Variants in CSMD3 observed in about 807,000 individuals in gnomAD.
The protein encoded by CSMD3 is CUB and Sushi multiple domains 3.
In CSMD3, 177 loss-of-function variants were observed where a neutral mutation model predicts 435.2. That is an observed-to-expected ratio of 0.41 (90% CI 0.36 to 0.46). The LOEUF (loss-of-function observed/expected upper bound fraction) is 0.46, where lower values mean the gene tolerates loss of function less well. Ranked by LOEUF, CSMD3 falls within the 20% of genes least tolerant of loss-of-function variation. The probability of loss-of-function intolerance (pLI) is 0.34; values close to 1 mark genes in which losing one functional copy is unlikely to be tolerated. For synonymous variants in CSMD3, 1,656 were observed against 1,520.5 expected, an observed-to-expected ratio of 1.09 and a Z score of -2.07; for missense variants, 4,265 against 4,504.6, an observed-to-expected ratio of 0.95 and a Z score of 1.52.
intron 22 of CSMD3, among the ~76,000 whole-genome samples, chr8:112,606,339 A>G (rs1832791354): frequency 6.6e-6 from 1 of 152,138 alleles, no homozygotes; most frequent in African/African-American, 2.4e-5. Flanking sequence ...TGCTTCACCT[A>G]GAATCCTGAA....
chr8:112,248,028 CA>C (rs1341167743), intron 63 of CSMD3, among the ~76,000 whole-genome samples: 1 of 151,996 alleles, frequency 6.6e-6, no homozygotes, highest in Non-Finnish European at 1.5e-5. Flanking sequence ...AAGTGGGAAG[CA>C]GGGGTATATA....
chr8:113,337,917 T>G (rs1218027948), intron 1 of CSMD3, among the ~76,000 whole-genome samples: 1 of 152,014 alleles, frequency 6.6e-6, no homozygotes, highest in Non-Finnish European at 1.5e-5. Flanking sequence ...CATTCCATAA[T>G]ATGTATTTGA....
intron 4 of CSMD3, among the ~76,000 whole-genome samples, chr8:113,159,950 A>G (rs1564377780): frequency 6.6e-6 from 1 of 151,924 alleles, no homozygotes; most frequent in Admixed American, 6.6e-5. Flanking sequence ...CAGAATATAT[A>G]TATATATATT....
chr8:112,771,732 G>A (rs2132199371), intron 13 of CSMD3, among the ~76,000 whole-genome samples: 1 of 152,050 alleles, frequency 6.6e-6, no homozygotes, highest in African/African-American at 2.4e-5. Context: ...ACAACAATGT[G>A]TCTTATCCAT....
At chr8:112,357,832 A>G (rs1483264682) in intron 38 of CSMD3, among the ~76,000 whole-genome samples, 1 of 152,184 alleles carries the variant, frequency 6.6e-6, no homozygotes, top group Admixed American at 6.5e-5. Flanking sequence ...TCTCATGGAG[A>G]ACATCTGATA....
chr8:112,815,936 T>G (rs988392421), intron 12 of CSMD3, among the ~76,000 whole-genome samples: 1 of 152,154 alleles, frequency 6.6e-6, no homozygotes, highest in African/African-American at 2.4e-5. Flanking sequence ...TATTTATTAT[T>G]GCCCTATAGC....
intron 10 of CSMD3, among the ~76,000 whole-genome samples, chr8:112,911,701 TTATG>T (rs1421532545): frequency 4.1e-5 from 6 of 147,354 alleles, no homozygotes; most frequent in South Asian, 4.4e-4. Context: ...TAGTTAATTG[TTATG>T]TATGTATTAT....
chr8:112,573,669 A>G lies in CSMD3; in HGVS notation c.3886-12T>C, dbSNP rs1829712626. Reference sequence around the variant, plus strand: ...TTTCCATCATAAATCTGCAAAATATATTTATAATTAAAATGTAAATGTGCC... The same window carrying G: ...TTTCCATCATAAATCTGCAAAATATGTTTATAATTAAAATGTAAATGTGCC... On this transcript the variant is annotated splice_polypyrimidine_tract_variant and intron_variant, in intron 23 of 70. Transcript: ENST00000297405. 2 of 1,561,520 alleles carry G rather than the reference A, an allele frequency of 1.3e-6. No homozygotes were observed. The highest frequency in any genetic ancestry group is 1.8e-6 in the Non-Finnish European group (2 of 1,133,360).
intron 63 of CSMD3, among the ~76,000 whole-genome samples, chr8:112,252,595 T>C (rs986205027): frequency 1.3e-5 from 2 of 151,260 alleles, no homozygotes; most frequent in Non-Finnish European, 3.0e-5. Flanking sequence ...AATTCATCAA[T>C]AAATTAGTAT....
intron 8 of CSMD3, among the ~76,000 whole-genome samples, chr8:112,953,244 G>A (rs905670841): frequency 6.6e-6 from 1 of 151,444 alleles, no homozygotes; most frequent in Non-Finnish European, 1.5e-5. Context: ...TAACATTTAA[G>A]TTTTATTTCA....
chr8:113,006,674 T>C (rs1184648670), intron 6 of CSMD3, among the ~76,000 whole-genome samples: 1 of 151,922 alleles, frequency 6.6e-6, no homozygotes, highest in African/African-American at 2.4e-5. Flanking sequence ...CAATAATGTG[T>C]AACCTGTTTT....
intron 9 of CSMD3, among the ~76,000 whole-genome samples, chr8:112,938,316 C>T (rs139188263): frequency 1.3e-5 from 2 of 152,282 alleles, no homozygotes; most frequent in African/African-American, 4.8e-5. Flanking sequence ...CTTTATTCTT[C>T]CAACATACCA....
chr8:113,388,870 A>C (rs1011230972), intron 1 of CSMD3, among the ~76,000 whole-genome samples: 1 of 151,618 alleles, frequency 6.6e-6, no homozygotes, highest in African/African-American at 2.4e-5. Flanking sequence ...ATCAAATAAA[A>C]TACCTGCTTA....
At chr8:113,316,729 T>C (rs2093913351) in intron 1 of CSMD3, among the ~76,000 whole-genome samples, 1 of 152,028 alleles carries the variant, frequency 6.6e-6, no homozygotes, top group African/African-American at 2.4e-5. Context: ...TTTGTACTTT[T>C]AGTAGAGATG....
At chr8:113,156,504 A>T (rs1588168510) in intron 4 of CSMD3, among the ~76,000 whole-genome samples, 1 of 151,846 alleles carries the variant, frequency 6.6e-6, no homozygotes, top group East Asian at 1.9e-4. Flanking sequence ...CTAAAAAAAA[A>T]TTAATATATT....
In CSMD3 at chr8:112,253,950, C is replaced by A. The variant is rs375635436; in HGVS notation, c.10110+303G>T. ...TCTTCCTGTAGAGTTTACTCATTTA[C>A]TCCCTCACTCTTACTGTCTTATATA... is the stretch of plus-strand genomic sequence containing the variant. On this transcript the variant is annotated intron_variant, in intron 63 of 70. Coordinates refer to ENST00000297405, the MANE Select transcript of CSMD3 (RefSeq NM_198123.2). 1.8e-3 allele frequency among the ~76,000 whole-genome samples: 273 copies of A among 152,078 alleles called. 1 individual carries two copies. Among genetic ancestry groups the A allele is most frequent in the African/African-American group, 6.2e-3 (256 of 41,536 alleles).
rs1295094217 is a variant in CSMD3 at position 113,251,591 on chromosome 8, T to C, written c.514+27001A>G. On this transcript the variant is annotated intron_variant, in intron 3 of 70. Coordinates refer to ENST00000297405, the MANE Select transcript of CSMD3 (RefSeq NM_198123.2). ...GATTTACTTTGGGATTTCTATTGTT[T>C]AGCTGTAAGTTAAAAAATCCATTAT... Among the ~76,000 whole-genome samples, 3 of 152,072 alleles carry C rather than the reference T, an allele frequency of 2.0e-5. No individual in the cohort carries two copies. In the East Asian group the frequency reaches 5.8e-4, roughly 29 times the overall value.
chr8:112,675,040 A>G (rs911416860), intron 16 of CSMD3, among the ~76,000 whole-genome samples: 1 of 152,128 alleles, frequency 6.6e-6, no homozygotes, highest in African/African-American at 2.4e-5. Context: ...AGAATCAGCT[A>G]GAACCCACTT....
At chr8:112,905,882 T>C (rs2082247998) in intron 10 of CSMD3, among the ~76,000 whole-genome samples, 1 of 151,458 alleles carries the variant, frequency 6.6e-6, no homozygotes, top group South Asian at 2.1e-4. Context: ...TAAATTCATA[T>C]GTTGATGTCA....
Sources: gnomAD v4.1 joint callset for allele counts (sites outside exome capture counted in the v4.1 genomes callset) on GRCh38, gnomAD v4.1.1 for gene constraint, MANE v1.5 for transcripts, NCBI Gene and HGNC (gene_info 2026-07-23, HGNC 2026-07-21) for gene names.